The following DYM variants were observed in gnomAD, a reference collection of about 807,000 sequenced individuals.
DYM encodes the protein dymeclin.
A neutral mutation model predicts 93.1 loss-of-function variants in DYM; 78 were observed. The observed-to-expected ratio is 0.84, with a 90% CI of 0.70 to 1.01. DYM has a LOEUF of 1.01. DYM is among the 50% of genes least tolerant of loss of function. The pLI, the probability that DYM is intolerant of heterozygous loss-of-function variation, is 0.00. For synonymous variants in DYM, 321 were observed against 319.7 expected, an observed-to-expected ratio of 1.00 and a Z score of -0.04; for missense variants, 789 against 845.0, an observed-to-expected ratio of 0.93 and a Z score of 0.82.
chr18:49,188,309 T>C (rs1334991070), intron 14 of DYM, among the ~76,000 whole-genome samples: 1 of 152,196 alleles, frequency 6.6e-6, no homozygotes, highest in Non-Finnish European at 1.5e-5. Context: ...CAGGGGGTCC[T>C]GGTTCTGTCC....
chr18:49,286,817 T>C (rs1249625139), intron 8 of DYM, among the ~76,000 whole-genome samples: 1 of 152,024 alleles, frequency 6.6e-6, no homozygotes, highest in South Asian at 2.1e-4. Context: ...TACAACAAAA[T>C]AGAGAAATAG....
intron 8 of DYM, among the ~76,000 whole-genome samples, chr18:49,318,481 G>A (rs2062182328): frequency 6.6e-6 from 1 of 152,084 alleles, no homozygotes; most frequent in Non-Finnish European, 1.5e-5. Context: ...AATTAATTGG[G>A]CATGGTGGCG....
intron 10 of DYM, among the ~76,000 whole-genome samples, chr18:49,281,357 A>C (rs1161997255): frequency 1.3e-5 from 2 of 152,224 alleles, no homozygotes. Context: ...TGTTGGTGGG[A>C]CTGTAAACTA....
At chr18:49,422,457 G>C (rs1356613680) in intron 2 of DYM, among the ~76,000 whole-genome samples, 1 of 152,150 alleles carries the variant, frequency 6.6e-6, no homozygotes, top group African/African-American at 2.4e-5. Context: ...AAATTGTAAA[G>C]ACCATCGAGG....
chr18:49,108,494 C>T (rs919150518), intron 16 of DYM, among the ~76,000 whole-genome samples: 18 of 152,240 alleles, frequency 1.2e-4, no homozygotes, highest in Non-Finnish European at 5.9e-5. Context: ...TCTTCTGCAT[C>T]GCTCACACTG....
At chr18:49,118,629 A>G (rs1008234803) in intron 16 of DYM, 115 bp downstream of exon 16, 19 of 967,596 alleles carry the variant, frequency 2.0e-5, no homozygotes, top group Non-Finnish European at 3.1e-5. Flanking sequence ...CTGCAAATAC[A>G]GTTAATGTTG....
At chr18:49,302,782 C>T (rs1378070971) in intron 8 of DYM, among the ~76,000 whole-genome samples, 1 of 152,192 alleles carries the variant, frequency 6.6e-6, no homozygotes, top group South Asian at 2.1e-4. Flanking sequence ...ACTCACATAA[C>T]AGAATGCTAC....
At chr18:49,365,922 A>G (rs2066480192) in intron 5 of DYM, among the ~76,000 whole-genome samples, 1 of 152,242 alleles carries the variant, frequency 6.6e-6, no homozygotes, top group South Asian at 2.1e-4. Flanking sequence ...AGTTGGGTCA[A>G]TTAAGGAGTA....
intron 17 of DYM, among the ~76,000 whole-genome samples, chr18:49,066,400 A>G (rs557700155): frequency 3.0e-4 from 46 of 152,118 alleles, no homozygotes; most frequent in Non-Finnish European, 3.5e-4. Flanking sequence ...GGATTCTTTC[A>G]CTTACCATTA....
intron 13 of DYM, among the ~76,000 whole-genome samples, chr18:49,249,275 G>T (rs2094234981): frequency 6.6e-6 from 1 of 151,594 alleles, no homozygotes. Flanking sequence ...GAGACACTGA[G>T]GATGGCAGGT....
chr18:49,284,153 G>A (rs745476278), intron 9 of DYM, among the ~76,000 whole-genome samples: 3 of 152,080 alleles, frequency 2.0e-5, no homozygotes, highest in Admixed American at 6.6e-5. Context: ...ATACCTGACT[G>A]CAAAGGGAAT....
chr18:49,092,407 A>T (rs1451922440), intron 17 of DYM, among the ~76,000 whole-genome samples: 2 of 152,244 alleles, frequency 1.3e-5, no homozygotes, highest in Non-Finnish European at 2.9e-5. Context: ...AGTTCTTCCC[A>T]GCAGTGTCTC....
At chr18:49,091,196 A>G (rs988470504) in intron 17 of DYM, among the ~76,000 whole-genome samples, 4 of 152,156 alleles carry the variant, frequency 2.6e-5, no homozygotes, top group Non-Finnish European at 5.9e-5. Flanking sequence ...AGTGCCCAGT[A>G]TGTACCAGGT....
chr18:49,429,865 C>G, intron 2 of DYM, among the ~76,000 whole-genome samples: 1 of 152,040 alleles, frequency 6.6e-6, no homozygotes, highest in East Asian at 1.9e-4. Context: ...AAGGAAGTTG[C>G]AAATGTGCTA....
intron 17 of DYM, among the ~76,000 whole-genome samples, chr18:49,064,969 C>G (rs1473843452): frequency 6.6e-6 from 1 of 151,622 alleles, no homozygotes; most frequent in African/African-American, 2.4e-5. Context: ...AAGCTATTAA[C>G]AAATTGTTTT....
At chr18:49,141,411 C>G (rs1336790277) in intron 15 of DYM, among the ~76,000 whole-genome samples, 1 of 152,158 alleles carries the variant, frequency 6.6e-6, no homozygotes, top group Non-Finnish European at 1.5e-5. Flanking sequence ...ATGGGCTCAT[C>G]AGGCCTTGAA....
At chr18:49,419,383 T>C (rs2073377304) in intron 2 of DYM, among the ~76,000 whole-genome samples, 1 of 151,712 alleles carries the variant, frequency 6.6e-6, no homozygotes, top group South Asian at 2.1e-4. Flanking sequence ...TAAAATAAAA[T>C]AAAATAAAAT....
At chr18:49,281,396 A>G (rs111771772) in intron 10 of DYM, among the ~76,000 whole-genome samples, 14,717 of 152,102 alleles carry the variant, frequency 0.097, 955 homozygotes, top group East Asian at 0.34. Context: ...TCAGTGTGGC[A>G]ATTCCTCAGG....
In DYM at chr18:49,331,936, G is replaced by C; in HGVS notation, c.691C>G (p.Pro231Ala). The change falls in exon 8 of 18, where the codon CCA becomes GCA. Residue 231 changes from proline to alanine, a missense_variant. By Grantham distance (27) the Pro-to-Ala change is conservative. Transcript: ENST00000675505. Reference protein sequence around the residue: ...NFIRQEKPPPPGAHVFPQQSD... With the variant: ...NFIRQEKPPPAGAHVFPQQSD... The stretch of plus-strand genomic sequence containing the variant: ...TGCTGAGGGAAAACATGGGCCCCTG[G>C]AGGAGGTGGCTTTTCTTGTCTGATA... 1 of 1,614,100 alleles carries C rather than the reference G, an allele frequency of 6.2e-7. No individual in the cohort carries two copies. Among genetic ancestry groups the C allele is most frequent in the East Asian group, 2.2e-5 (1 of 44,878 alleles).
Sources: gnomAD v4.1 joint callset for allele counts (sites outside exome capture counted in the v4.1 genomes callset) on GRCh38, gnomAD v4.1.1 for gene constraint, MANE v1.5 for transcripts, NCBI Gene and HGNC (gene_info 2026-07-23, HGNC 2026-07-21) for gene names.